Variants in CWC27 observed in about 807,000 individuals in gnomAD.
CWC27 encodes spliceosome-associated protein CWC27 homolog.
A neutral mutation model predicts 63.6 loss-of-function variants in CWC27; 47 were observed. The ratio of observed to expected loss-of-function variants is 0.74; its 90% CI spans 0.58 to 0.94. CWC27 has a LOEUF of 0.94. Ranked by LOEUF, CWC27 falls within the 40% of genes least tolerant of loss-of-function variation. The pLI is 0.00. For missense variants in CWC27, 495 were observed against 554.3 expected, an observed-to-expected ratio of 0.89 and a Z score of 1.07; for synonymous variants, 175 against 179.8, an observed-to-expected ratio of 0.97 and a Z score of 0.22.
intron 13 of CWC27, among the ~76,000 whole-genome samples, chr5:64,998,717 T>C (rs1195203535): frequency 1.3e-5 from 2 of 152,146 alleles, no homozygotes; most frequent in African/African-American, 2.4e-5. Context: ...CTGGTTTTCA[T>C]CTTCGTTTTC....
intron 11 of CWC27, among the ~76,000 whole-genome samples, chr5:64,914,928 A>G (rs1436197720): frequency 6.6e-6 from 1 of 152,184 alleles, no homozygotes; most frequent in Non-Finnish European, 1.5e-5. Context: ...TGAAAGAACT[A>G]TAGCTGCACA....
At chr5:64,772,807 G>T (rs2112138683) in intron 1 of CWC27, among the ~76,000 whole-genome samples, 1 of 150,772 alleles carries the variant, frequency 6.6e-6, no homozygotes, top group East Asian at 2.0e-4. Flanking sequence ...TGTGGCGGTG[G>T]GTGCCTGTAG....
chr5:64,815,113 T>A (rs890195003), intron 10 of CWC27, among the ~76,000 whole-genome samples: 1 of 152,196 alleles, frequency 6.6e-6, no homozygotes, highest in Non-Finnish European at 1.5e-5. Context: ...GCCCTGTTGG[T>A]CCTTTCTGAT....
chr5:64,895,616 A>G (rs1486510692), intron 11 of CWC27, among the ~76,000 whole-genome samples: 1 of 152,198 alleles, frequency 6.6e-6, no homozygotes, highest in South Asian at 2.1e-4. Context: ...ACCAAAAGCT[A>G]GTAGAAACAT....
chr5:65,017,493 C>T (rs925803009), intron 13 of CWC27, among the ~76,000 whole-genome samples: 2 of 152,196 alleles, frequency 1.3e-5, no homozygotes, highest in African/African-American at 2.4e-5. Context: ...CCAGCATATG[C>T]TGATACCTTA....
chr5:64,903,533 G>A (rs112906929), intron 11 of CWC27, among the ~76,000 whole-genome samples: 2 of 151,960 alleles, frequency 1.3e-5, no homozygotes, highest in East Asian at 1.9e-4. Flanking sequence ...TTGGGGGATC[G>A]GGGCAAGGGG....
intron 13 of CWC27, among the ~76,000 whole-genome samples, chr5:65,007,444 T>A (rs1435308755): frequency 6.6e-6 from 1 of 152,132 alleles, no homozygotes; most frequent in Non-Finnish European, 1.5e-5. Context: ...TCTCACAGAC[T>A]GGGTAGCTTA....
At chr5:64,857,197 A>G (rs1746276365) in intron 10 of CWC27, among the ~76,000 whole-genome samples, 1 of 152,222 alleles carries the variant, frequency 6.6e-6, no homozygotes, top group South Asian at 2.1e-4. Flanking sequence ...CAATTTATTC[A>G]TCACTGCCTA....
At chr5:64,993,628 T>C (rs1175973912) in intron 13 of CWC27, among the ~76,000 whole-genome samples, 1 of 151,704 alleles carries the variant, frequency 6.6e-6, no homozygotes, top group East Asian at 1.9e-4. Context: ...GAATATATAG[T>C]CATGGATTCT....
intron 11 of CWC27, among the ~76,000 whole-genome samples, chr5:64,935,478 C>T (rs1351151099): frequency 6.6e-6 from 1 of 152,136 alleles, no homozygotes; most frequent in Non-Finnish European, 1.5e-5. Context: ...GTTTTGGTAC[C>T]AGTACCATGC....
intron 12 of CWC27, 101 bp from the exon 13 acceptor site, chr5:64,977,034 A>G: frequency 3.3e-6 from 2 of 599,634 alleles, no homozygotes; most frequent in Non-Finnish European, 5.4e-6. Context: ...ATTTTGTTTT[A>G]CATCCAAGTA....
chr5:64,789,938 C>G (rs1376309450), intron 7 of CWC27, among the ~76,000 whole-genome samples: 1 of 152,006 alleles, frequency 6.6e-6, no homozygotes, highest in Non-Finnish European at 1.5e-5. Flanking sequence ...GAATTAAAAG[C>G]ATATTATTAT....
At chr5:64,946,083 A>G (rs1748585923) in intron 11 of CWC27, among the ~76,000 whole-genome samples, 1 of 152,148 alleles carries the variant, frequency 6.6e-6, no homozygotes, top group African/African-American at 2.4e-5. Flanking sequence ...CCCAACCAGA[A>G]GTTATCTCCT....
chr5:64,834,948 G>C (rs1745622385), intron 10 of CWC27, among the ~76,000 whole-genome samples: 1 of 151,738 alleles, frequency 6.6e-6, no homozygotes, highest in Non-Finnish European at 1.5e-5. Flanking sequence ...CAAAACAACT[G>C]AAGGTTTCTG....
intron 10 of CWC27, among the ~76,000 whole-genome samples, chr5:64,828,200 G>C (rs1472261713): frequency 2.0e-5 from 3 of 151,980 alleles, no homozygotes; most frequent in Non-Finnish European, 4.4e-5. Context: ...AAATGTATTA[G>C]GCATTTTTAA....
intron 1 of CWC27, among the ~76,000 whole-genome samples, chr5:64,771,263 CT>C (rs1418169374): frequency 6.6e-6 from 1 of 152,188 alleles, no homozygotes; most frequent in African/African-American, 2.4e-5. Flanking sequence ...TGTAATAAGT[CT>C]GTTCAACGAA....
chr5:64,782,808 A>G (rs1051664962), intron 3 of CWC27, among the ~76,000 whole-genome samples: 3 of 152,206 alleles, frequency 2.0e-5, no homozygotes, highest in Non-Finnish European at 4.4e-5. Flanking sequence ...TTTAATTTCC[A>G]GATGATAATG....
chr5:64,784,166 A>G (rs1561404537), intron 4 of CWC27, among the ~76,000 whole-genome samples, 187 bp downstream of exon 4: 1 of 152,208 alleles, frequency 6.6e-6, no homozygotes, highest in Non-Finnish European at 1.5e-5. Context: ...GGGAGCATCT[A>G]AGTTCTTTTT....
rs768743169 is a variant in CWC27 at position 64,892,857 on chromosome 5, T to TA, written c.1042+7325dup. Among the ~76,000 whole-genome samples, 991 of 145,220 alleles carry TA rather than the reference T, an allele frequency of 6.8e-3. 9 individuals carry two copies. The highest frequency in any genetic ancestry group is 0.018 in the African/African-American group (735 of 39,960). On this transcript the variant is annotated intron_variant, in intron 11 of 13. Coordinates refer to ENST00000381070, the MANE Select transcript of CWC27 (RefSeq NM_005869.4). Reference sequence around the variant, plus strand: ...TGAGAATTCTTTATCTCTCGTTCTTTAAAAAAAAAAAAAATCATTTAAAAA... The same window carrying TA: ...TGAGAATTCTTTATCTCTCGTTCTTTAAAAAAAAAAAAAAATCATTTAAAAA...
Sources: allele counts gnomAD v4.1 joint callset (sites outside exome capture counted in the v4.1 genomes callset), GRCh38; gene constraint gnomAD v4.1.1; transcripts MANE v1.5; gene names NCBI Gene and HGNC (gene_info 2026-07-23, HGNC 2026-07-21).